The following GREB1L variants were observed in gnomAD, a reference collection of about 807,000 sequenced individuals.
GREB1L encodes the protein GREB1 like retinoic acid receptor coactivator, also known as GREB1-like protein.
A neutral mutation model predicts 200.8 loss-of-function variants in GREB1L; 17 were observed. That is an observed-to-expected ratio of 0.08 (90% CI 0.06 to 0.13). The LOEUF (loss-of-function observed/expected upper bound fraction) is 0.13. Ranked by LOEUF, GREB1L falls within the 10% of genes least tolerant of loss-of-function variation. The pLI is 1.00. For missense variants in GREB1L, 1,657 were observed against 2,367.7 expected (o/e 0.70, Z 6.23); for synonymous variants, 789 against 893.0 (o/e 0.88, Z 2.08).
In GREB1L at chr18:21,482,575, T is replaced by G. The variant is rs1209605640; in HGVS notation, c.2557-3045T>G. On this transcript the variant is annotated intron_variant, in intron 17 of 32. Coordinates refer to ENST00000424526, the MANE Select transcript of GREB1L (RefSeq NM_001142966.3). ...CGCCTGGCCTGAAAGAAGTTTGATT[T>G]GTGGAGGGCAGATGAGACTGACTTT... 3.3e-5 allele frequency among the ~76,000 whole-genome samples: 5 copies of G among 151,752 alleles called. No homozygotes were observed. In the East Asian group the frequency reaches 9.7e-4, roughly 29 times the overall value.
chr18:21,397,538 A>T (rs56160761), intron 5 of GREB1L, among the ~76,000 whole-genome samples: 6,270 of 132,908 alleles, frequency 0.047, 318 homozygotes, highest in African/African-American at 0.15. Context: ...AAAAAAAAAA[A>T]AAAAATAATA....
chr18:21,284,715 G>A (rs551277168), intron 1 of GREB1L, among the ~76,000 whole-genome samples: 1 of 152,314 alleles, frequency 6.6e-6, no homozygotes, highest in African/African-American at 2.4e-5. Context: ...GCTGGGTCAT[G>A]TGGTAACTCT....
chr18:21,419,981 G>A (rs1420353740), intron 7 of GREB1L, among the ~76,000 whole-genome samples: 3 of 152,112 alleles, frequency 2.0e-5, no homozygotes, highest in South Asian at 2.1e-4. Context: ...TTAGGTAATG[G>A]TTTTTTGGAT....
At chr18:21,346,406 A>G (rs1056279937) in intron 1 of GREB1L, among the ~76,000 whole-genome samples, 1 of 151,856 alleles carries the variant, frequency 6.6e-6, no homozygotes, top group African/African-American at 2.4e-5. Flanking sequence ...TTCTTTGCTT[A>G]ACACTCATTC....
At chr18:21,286,665 GTATTAT>G (rs779958242) in intron 1 of GREB1L, among the ~76,000 whole-genome samples, 2 of 152,052 alleles carry the variant, frequency 1.3e-5, no homozygotes, top group Non-Finnish European at 2.9e-5. Context: ...ATCCCATGTG[GTATTAT>G]TATTATTATC....
intron 18 of GREB1L, among the ~76,000 whole-genome samples, chr18:21,488,866 A>T (rs2036224702): frequency 6.6e-6 from 1 of 152,182 alleles, no homozygotes; most frequent in Non-Finnish European, 1.5e-5. Context: ...CATGTTGGCT[A>T]GGCTGGTCTC....
Position 21,505,534 on chromosome 18 carries a change from G to A in GREB1L, c.4195G>A (p.Val1399Met), listed in dbSNP as rs2036976905. The stretch of plus-strand genomic sequence containing the variant: ...CCCCAAGTACAGTTTGATGAGCCTG[G>A]TGTATACTGAGAAGCTGGCAGGGGT... ...HDPKYSLMSL[V>M]YTEKLAGVKQ... The change falls in exon 24 of 33, where the codon GTG becomes ATG. Residue 1399 changes from valine to methionine, a missense_variant. Val to Met is a conservative substitution (Grantham distance 21, BLOSUM62 1). This residue lies in a region of GREB1L where 512 missense variants were observed against 668.3 expected (regional missense o/e 0.77). Coordinates refer to ENST00000424526, the MANE Select transcript of GREB1L (RefSeq NM_001142966.3). 1 of 1,551,714 alleles carries A rather than the reference G, an allele frequency of 6.4e-7. No individual in the cohort carries two copies. The highest frequency in any genetic ancestry group is 1.4e-5 in the African/African-American group (1 of 73,026).
intron 1 of GREB1L, among the ~76,000 whole-genome samples, chr18:21,245,915 C>T (rs2037591213): frequency 6.6e-6 from 1 of 152,104 alleles, no homozygotes; most frequent in Non-Finnish European, 1.5e-5. Flanking sequence ...GATGGGGTTT[C>T]ACTGTGTTGC....
chr18:21,354,059 G>A (rs974159690), intron 1 of GREB1L, among the ~76,000 whole-genome samples: 1 of 152,066 alleles, frequency 6.6e-6, no homozygotes, highest in African/African-American at 2.4e-5. Flanking sequence ...AAAGTGCTGG[G>A]ATTACAGGTG....
intron 1 of GREB1L, among the ~76,000 whole-genome samples, chr18:21,277,834 G>A (rs529653495): frequency 6.6e-6 from 1 of 152,242 alleles, no homozygotes; most frequent in Non-Finnish European, 1.5e-5. Context: ...GCTTCTTGAG[G>A]GCAGGGATCT....
chr18:21,252,361 C>G (rs573732205), intron 1 of GREB1L, among the ~76,000 whole-genome samples: 3 of 151,572 alleles, frequency 2.0e-5, no homozygotes, highest in Non-Finnish European at 2.9e-5. Context: ...AGTTCGAGAC[C>G]AGCCTAACCA....
intron 1 of GREB1L, among the ~76,000 whole-genome samples, chr18:21,348,625 A>G (rs1483652172): frequency 6.6e-6 from 1 of 151,996 alleles, no homozygotes; most frequent in African/African-American, 2.4e-5. Flanking sequence ...AAATACAAAA[A>G]TTAGCCAGGC....
At chr18:21,337,708 C>T (rs762810234) in intron 1 of GREB1L, among the ~76,000 whole-genome samples, 14 of 151,994 alleles carry the variant, frequency 9.2e-5, no homozygotes, top group East Asian at 1.9e-4. Flanking sequence ...TTTTTTTCAC[C>T]GGGTGCAGTG....
intron 26 of GREB1L, 31 bp from the exon 27 acceptor site, chr18:21,508,356 C>T (rs1355591484): frequency 1.3e-6 from 2 of 1,550,606 alleles, no homozygotes; most frequent in South Asian, 1.2e-5. Flanking sequence ...TTTAATTTCC[C>T]TTTATGGTCT....
chr18:21,332,064 A>G (rs1240645450), intron 1 of GREB1L, among the ~76,000 whole-genome samples: 1 of 152,256 alleles, frequency 6.6e-6, no homozygotes, highest in East Asian at 1.9e-4. Flanking sequence ...CTGAAACTTC[A>G]AAACTTAAAC....
chr18:21,299,475 G>A (rs1228668971), intron 1 of GREB1L, among the ~76,000 whole-genome samples: 1 of 150,266 alleles, frequency 6.7e-6, no homozygotes, highest in African/African-American at 2.4e-5. Flanking sequence ...TTTTTATATG[G>A]TACTCATTTT....
intron 7 of GREB1L, among the ~76,000 whole-genome samples, chr18:21,406,757 A>G (rs749300042): frequency 5.9e-5 from 9 of 152,198 alleles, no homozygotes; most frequent in Non-Finnish European, 1.0e-4. Flanking sequence ...TATTTGAAGA[A>G]GAGTTTAATG....
intron 1 of GREB1L, among the ~76,000 whole-genome samples, chr18:21,278,019 A>G (rs2038198248): frequency 6.6e-6 from 1 of 152,190 alleles, no homozygotes; most frequent in Admixed American, 6.5e-5. Context: ...CGAAATGGGT[A>G]TAGCCATGAC....
At chr18:21,249,468 C>G (rs1464322737) in intron 1 of GREB1L, among the ~76,000 whole-genome samples, 3 of 152,188 alleles carry the variant, frequency 2.0e-5, no homozygotes, top group Admixed American at 1.3e-4. Flanking sequence ...CACTGAATTG[C>G]TCAAGCTTCA....
Sources: gnomAD v4.1 joint callset for allele counts (sites outside exome capture counted in the v4.1 genomes callset) on GRCh38, gnomAD v4.1.1 for gene constraint, gnomAD v4.1.1 regional missense constraint, MANE v1.5 for transcripts, NCBI Gene and HGNC (gene_info 2026-07-23, HGNC 2026-07-21) for gene names.